The following ROBO1 variants were observed in gnomAD, a reference collection of about 807,000 sequenced individuals.
ROBO1 encodes roundabout homolog 1.
In ROBO1, 149 loss-of-function variants were observed where a neutral mutation model predicts 195.9. The observed-to-expected ratio is 0.76, with a 90% CI of 0.67 to 0.87. ROBO1 has a LOEUF of 0.87. Among genes scored for constraint, ROBO1 ranks in the 40% least tolerant of loss-of-function variants. ROBO1 has a pLI of 0.00. For synonymous variants in ROBO1, 816 were observed against 733.2 expected (o/e 1.11, Z -1.82); for missense variants, 1,933 against 2,068.3 (o/e 0.93, Z 1.27).
At chr3:79,018,318 A>T (rs1207070071) in intron 3 of ROBO1, 40 of 1,509,720 alleles carry the variant, frequency 2.6e-5, no homozygotes, top group Non-Finnish European at 3.7e-5. Context: ...GGGAGGGGTA[A>T]CCAAAATACA....
rs574117697 is a variant in ROBO1, at chr3:78,904,837, G to A, written c.499+33764C>T. On this transcript the variant is annotated intron_variant, in intron 4 of 30. Coordinates refer to ENST00000464233, the MANE Select transcript of ROBO1 (RefSeq NM_002941.4). ...AAATAATGAAACATAGAAATTAAGA[G>A]AAGAAATTCTACTTCAAGTGTGGTT... Among the ~76,000 whole-genome samples the A allele has an allele frequency of 2.6e-4, 39 of 151,786 alleles. No homozygotes were observed. In the South Asian group the frequency reaches 8.1e-3, roughly 32 times the overall value.
intron 2 of ROBO1, among the ~76,000 whole-genome samples, chr3:79,296,733 T>C (rs1412043744): frequency 1.3e-5 from 2 of 152,164 alleles, no homozygotes; most frequent in Non-Finnish European, 2.9e-5. Context: ...ATAGTCTCCT[T>C]TGAGAGAGAC....
At chr3:78,739,534 G>A (rs1559803446) in intron 5 of ROBO1, among the ~76,000 whole-genome samples, 1 of 152,022 alleles carries the variant, frequency 6.6e-6, no homozygotes, top group Non-Finnish European at 1.5e-5. Flanking sequence ...CTTTTCCTAA[G>A]TGGCAAATGA....
At chr3:79,503,506 ACT>A (rs888258455) in intron 2 of ROBO1, among the ~76,000 whole-genome samples, 2 of 151,796 alleles carry the variant, frequency 1.3e-5, no homozygotes, top group Admixed American at 6.6e-5. Flanking sequence ...CTACCAGAAA[ACT>A]CTTAGGGAAA....
At chr3:79,760,494 T>C (rs1278206710) in intron 1 of ROBO1, among the ~76,000 whole-genome samples, 1 of 76,314 alleles carries the variant, frequency 1.3e-5, no homozygotes, top group African/African-American at 4.9e-5. Flanking sequence ...TCCAATGCAA[T>C]ACCAAAAAAA....
chr3:78,625,581 A>G (rs1424002515), intron 26 of ROBO1, among the ~76,000 whole-genome samples: 1 of 152,190 alleles, frequency 6.6e-6, no homozygotes, highest in Non-Finnish European at 1.5e-5. Context: ...TAAGAGTTGA[A>G]CAAAGCAACG....
intron 2 of ROBO1, among the ~76,000 whole-genome samples, chr3:79,153,730 TA>T (rs1343397185): frequency 1.4e-5 from 2 of 147,934 alleles, no homozygotes; most frequent in Admixed American, 6.8e-5. Context: ...GAATATATAT[TA>T]AATAATATAG....
rs1396276513 is a variant in ROBO1 at position 78,691,397 on chromosome 3, G to T, written c.1046-2625C>A. On this transcript the variant is annotated intron_variant, in intron 8 of 30. Coordinates refer to ENST00000464233, the MANE Select transcript of ROBO1 (RefSeq NM_002941.4). ...GGAAAATTAGACAAAGGGAAGAAAA[G>T]AAAAGCTACCCACAATTCTGCCATA... 7.2e-5 allele frequency among the ~76,000 whole-genome samples: 11 copies of T among 152,086 alleles called. No homozygotes were observed. The East Asian group carries it at 1.9e-3, about 27-fold the overall frequency.
intron 3 of ROBO1, among the ~76,000 whole-genome samples, chr3:79,055,017 A>G (rs990303555): frequency 1.3e-5 from 2 of 152,118 alleles, no homozygotes; most frequent in Non-Finnish European, 2.9e-5. Context: ...CAATCTCTGT[A>G]GCACCATTCC....
At chr3:79,274,748 A>T (rs965445927) in intron 2 of ROBO1, among the ~76,000 whole-genome samples, 1 of 152,008 alleles carries the variant, frequency 6.6e-6, no homozygotes, top group Non-Finnish European at 1.5e-5. Flanking sequence ...TAGATCAACT[A>T]AGAAAAAAAG....
At position 79,281,711 on chromosome 3, in the gene ROBO1, C is replaced by T. The variant is rs116064203; in HGVS notation, c.89-156172G>A. On this transcript the variant is annotated intron_variant, in intron 2 of 30. Coordinates refer to ENST00000464233, the MANE Select transcript of ROBO1 (RefSeq NM_002941.4). The stretch of plus-strand genomic sequence containing the variant: ...TGACAACTGGATTTATTCAACTTTC[C>T]ACAGTTGAGAAGAAAGTTATTGCAG... Among the ~76,000 whole-genome samples the T allele has an allele frequency of 2.6e-3, 395 of 151,940 alleles. 2 individuals carry two copies. The highest frequency in any genetic ancestry group is 8.9e-3 in the African/African-American group (370 of 41,452).
intron 2 of ROBO1, among the ~76,000 whole-genome samples, chr3:79,511,429 G>A (rs762516160): frequency 8.6e-5 from 13 of 152,030 alleles, no homozygotes; most frequent in East Asian, 1.9e-4. Flanking sequence ...TACTATTCTC[G>A]AAGGATATGC....
Position 79,512,497 on chromosome 3 carries a change from T to G in ROBO1, c.88+77327A>C, listed in dbSNP as rs750485017. ...TCGTTACGTGCTGTGCAACTAAACT[T>G]CTGCTGCTAGAATTCTTTATGCTAT... On this transcript the variant is annotated intron_variant, in intron 2 of 30. Transcript: ENST00000464233. 1.1e-4 allele frequency among the ~76,000 whole-genome samples: 17 copies of G among 152,318 alleles called. 1 individual carries two copies. The South Asian group carries it at 1.9e-3, about 17-fold the overall frequency.
At chr3:79,354,443 G>T (rs1343517363) in intron 2 of ROBO1, among the ~76,000 whole-genome samples, 1 of 152,106 alleles carries the variant, frequency 6.6e-6, no homozygotes, top group African/African-American at 2.4e-5. Context: ...TCTCATACCA[G>T]TATCCTTGAT....
At chr3:79,000,040 T>C (rs1181985052) in intron 3 of ROBO1, among the ~76,000 whole-genome samples, 2 of 152,148 alleles carry the variant, frequency 1.3e-5, no homozygotes, top group African/African-American at 4.8e-5. Context: ...CAATGTGAAC[T>C]GTATTAATTC....
chr3:78,788,052 G>A (rs1363947373), intron 4 of ROBO1, among the ~76,000 whole-genome samples: 2 of 146,150 alleles, frequency 1.4e-5, no homozygotes, highest in Non-Finnish European at 3.0e-5. Flanking sequence ...CCATTCTCCT[G>A]CCTCAGCCTC....
At chr3:79,205,131 T>C (rs867792195) in intron 2 of ROBO1, among the ~76,000 whole-genome samples, 7 of 152,166 alleles carry the variant, frequency 4.6e-5, no homozygotes, top group Non-Finnish European at 8.8e-5. Context: ...TAGTTGGGAT[T>C]ACAGGCGCGC....
At chr3:78,819,643 T>C (rs2030646494) in intron 4 of ROBO1, among the ~76,000 whole-genome samples, 1 of 152,130 alleles carries the variant, frequency 6.6e-6, no homozygotes, top group South Asian at 2.1e-4. Context: ...CTCTCTCCCA[T>C]GATCTGTTTG....
chr3:79,571,836 A>G (rs1327120559), intron 2 of ROBO1, among the ~76,000 whole-genome samples: 1 of 152,134 alleles, frequency 6.6e-6, no homozygotes, highest in Non-Finnish European at 1.5e-5. Flanking sequence ...GTATCTACAG[A>G]CAGACAATTC....
Sources: allele counts gnomAD v4.1 joint callset (sites outside exome capture counted in the v4.1 genomes callset), GRCh38; gene constraint gnomAD v4.1.1; transcripts MANE v1.5; gene names NCBI Gene and HGNC (gene_info 2026-07-23, HGNC 2026-07-21).